Variants in GRM7 observed in about 807,000 individuals in gnomAD.
The protein encoded by GRM7 is glutamate metabotropic receptor 7, also known as metabotropic glutamate receptor 7.
Under a neutral mutation model 84.5 loss-of-function variants are expected in GRM7, and 35 were observed. The observed-to-expected ratio is 0.41, with a 90% confidence interval of 0.32 to 0.55. GRM7 has a LOEUF of 0.55. Ranked by LOEUF, GRM7 falls within the 20% of genes least tolerant of loss-of-function variation. GRM7 has a pLI of 0.19. For synonymous variants in GRM7, 487 were observed against 455.1 expected, an observed-to-expected ratio of 1.07 and a Z score of -0.89; for missense variants, 1,003 against 1,194.6, an observed-to-expected ratio of 0.84 and a Z score of 2.36.
Position 7,735,453 on chromosome 3 carries a change from C to G in GRM7, c.2699-4904C>G, listed in dbSNP as rs113787307. Among the ~76,000 whole-genome samples the G allele has an allele frequency of 2.7e-5, 3 of 111,610 alleles. 1 individual carries two copies. Among genetic ancestry groups the G allele is most frequent in the African/African-American group, 1.4e-4 (3 of 21,536 alleles). The allele number at this position is 111,610 out of a possible 152,430, so 73.2% of individuals were successfully genotyped here. ...AAGCAGCCTAGAGATGCTATCTAGC[C>G]TCTGGTCTCTATTTCTTTTTTGATT... On this transcript the variant is annotated intron_variant, in intron 9 of 9. Coordinates refer to ENST00000357716, the MANE Select transcript of GRM7 (RefSeq NM_000844.4).
Position 6,956,437 on chromosome 3 carries a change from C to G in GRM7, c.519+94530C>G, listed in dbSNP as rs972290333. The G allele has an allele frequency of 1.5e-5, 6 of 408,710 alleles. 1 individual carries two copies. Among genetic ancestry groups the G allele is most frequent in the Admixed American group, 2.8e-5 (1 of 35,496 alleles). 25.3% of individuals were successfully genotyped at this position (408,710 alleles called of 1,614,324 possible). On this transcript the variant is annotated intron_variant, in intron 1 of 9. Transcript: ENST00000357716. ...CCCTGCTCCTCTCAGACCTTTCTCT[C>G]TAAGACTTTGGGCAAACGCCGGCAC... is the stretch of plus-strand genomic sequence containing the variant.
At chr3:7,602,667 G>T (rs1696374170) in intron 8 of GRM7, among the ~76,000 whole-genome samples, 1 of 152,154 alleles carries the variant, frequency 6.6e-6, no homozygotes, top group Admixed American at 6.6e-5. Flanking sequence ...ATGAAGATGT[G>T]ATTGTAGGTA....
chr3:7,064,479 T>TATATATATATATATATATATATACAC lies in GRM7; in HGVS notation c.520-81972_520-81971insTATATATATATATATATATATACACA. 9.3e-4 allele frequency among the ~76,000 whole-genome samples: 92 copies of TATATATATATATATATATATATACAC among 99,326 alleles called. 4 individuals are homozygous for TATATATATATATATATATATATACAC. Among genetic ancestry groups the TATATATATATATATATATATATACAC allele is most frequent in the African/African-American group, 2.8e-3 (73 of 25,724 alleles). The allele number at this position is 99,326 out of a possible 152,430, so 65.2% of individuals were successfully genotyped here. On this transcript the variant is annotated intron_variant, in intron 1 of 9. Coordinates refer to ENST00000357716, the MANE Select transcript of GRM7 (RefSeq NM_000844.4). ...ATATATATACATATATATATATATA[T>TATATATATATATATATATATATACAC]ACACACATATACATATATATATACA...
At chr3:7,404,515 T>C (rs1261659990) in intron 4 of GRM7, among the ~76,000 whole-genome samples, 1 of 152,202 alleles carries the variant, frequency 6.6e-6, no homozygotes, top group African/African-American at 2.4e-5. Flanking sequence ...AAAGAAATTC[T>C]GGTGGATGAC....
At chr3:6,978,777 T>C (rs1276603048) in intron 1 of GRM7, among the ~76,000 whole-genome samples, 2 of 152,172 alleles carry the variant, frequency 1.3e-5, no homozygotes, top group Non-Finnish European at 2.9e-5. Flanking sequence ...GAGAAGACTT[T>C]GTTAACAAGT....
At position 7,103,798 on chromosome 3, in the gene GRM7, C is replaced by CTTTA. The variant is rs1559443522; in HGVS notation, c.520-42651_520-42650insATTT. 3.6e-5 allele frequency among the ~76,000 whole-genome samples: 4 copies of CTTTA among 111,544 alleles called. 1 individual carries two copies. Among genetic ancestry groups the CTTTA allele is most frequent in the African/African-American group, 2.0e-4 (4 of 20,452 alleles). The allele number at this position is 111,544 out of a possible 152,430, so 73.2% of individuals were successfully genotyped here. A position where few individuals can be genotyped will look rare whatever the true frequency, so the allele number is the denominator to read the frequency against. On this transcript the variant is annotated intron_variant, in intron 1 of 9. Transcript: ENST00000357716. ...TCTTTCTTTCTTTCTTTCTTTCTTT[C>CTTTA]TTTCTTTCTTTCTTTCTTTCTCTCT...
At chr3:7,179,942 A>T (rs897603278) in intron 2 of GRM7, among the ~76,000 whole-genome samples, 1 of 152,210 alleles carries the variant, frequency 6.6e-6, no homozygotes, top group Non-Finnish European at 1.5e-5. Flanking sequence ...ATTTACTTCC[A>T]TTAGCGTATC....
At chr3:7,097,653 A>G (rs935654470) in intron 1 of GRM7, among the ~76,000 whole-genome samples, 1 of 152,082 alleles carries the variant, frequency 6.6e-6, no homozygotes, top group Non-Finnish European at 1.5e-5. Context: ...AATTCTCTCT[A>G]CTGTCTGCAT....
intron 7 of GRM7, among the ~76,000 whole-genome samples, chr3:7,516,862 T>G (rs1200903381): frequency 6.6e-6 from 1 of 152,204 alleles, no homozygotes; most frequent in African/African-American, 2.4e-5. Context: ...GCTTTGCTCT[T>G]TGCATTGGCA....
intron 1 of GRM7, among the ~76,000 whole-genome samples, chr3:6,946,894 A>T (rs543495573): frequency 6.6e-6 from 1 of 152,140 alleles, no homozygotes; most frequent in Admixed American, 6.5e-5. Flanking sequence ...ATTTTTGCAC[A>T]TTGATTTTGT....
chr3:7,334,686 A>G (rs1434601729), intron 4 of GRM7, among the ~76,000 whole-genome samples: 1 of 152,148 alleles, frequency 6.6e-6, no homozygotes, highest in African/African-American at 2.4e-5. Flanking sequence ...CATCTAGCAC[A>G]TAAGGACTCA....
intron 1 of GRM7, among the ~76,000 whole-genome samples, chr3:6,878,880 C>A (rs1695410324): frequency 6.6e-6 from 1 of 152,172 alleles, no homozygotes; most frequent in African/African-American, 2.4e-5. Context: ...TTCTGGATTA[C>A]TAGATTTGCA....
At chr3:7,146,760 A>T in intron 2 of GRM7, 92 bp downstream of exon 2, 2 of 818,366 alleles carry the variant, frequency 2.4e-6, no homozygotes, top group Non-Finnish European at 4.0e-6. Context: ...AACACTACAG[A>T]CTCTTACATT....
At chr3:7,116,672 A>G (rs1189317454) in intron 1 of GRM7, among the ~76,000 whole-genome samples, 1 of 152,166 alleles carries the variant, frequency 6.6e-6, no homozygotes, top group Non-Finnish European at 1.5e-5. Context: ...ATTCTCCCAT[A>G]GTTATCGTAC....
intron 1 of GRM7, among the ~76,000 whole-genome samples, chr3:7,073,069 G>A (rs893947803): frequency 3.9e-5 from 6 of 152,104 alleles, no homozygotes; most frequent in Non-Finnish European, 2.9e-5. Flanking sequence ...GTATTTTCAT[G>A]TGATACCAGG....
chr3:6,877,949 CTTT>C (rs34919831), intron 1 of GRM7, among the ~76,000 whole-genome samples: 4 of 145,386 alleles, frequency 2.8e-5, no homozygotes, highest in Non-Finnish European at 3.0e-5. Context: ...CAATAACTTA[CTTT>C]TTTTTTTTTT....
rs1219833304 is a variant in GRM7 at position 7,668,363 on chromosome 3, T to TG, written c.2452-11685dup. ...CATCACCAATTAAGTCCCCTCTATT[T>TG]GCCACCCACAGTGGCAGACACTGGA... On this transcript the variant is annotated intron_variant, in intron 8 of 9. Coordinates refer to ENST00000357716, the MANE Select transcript of GRM7 (RefSeq NM_000844.4). 2.0e-5 allele frequency among the ~76,000 whole-genome samples: 3 copies of TG among 152,224 alleles called. No homozygotes were observed. In the East Asian group the frequency reaches 5.8e-4, roughly 29 times the overall value.
chr3:6,940,381 C>T (rs912874378), intron 1 of GRM7, among the ~76,000 whole-genome samples: 3 of 152,116 alleles, frequency 2.0e-5, no homozygotes, highest in Non-Finnish European at 2.9e-5. Context: ...TGAACCACTG[C>T]GCCCGGCCCG....
rs141339455 is a variant in GRM7, at chr3:7,598,567, G to C, written c.2451+19210G>C. ...CATGAAAGAAATCTCTTGCTTGTGA[G>C]GGTTGATTGCAAGGGTCTTGAAGTT... On this transcript the variant is annotated intron_variant, in intron 8 of 9. Transcript: ENST00000357716. 2.0e-3 allele frequency among the ~76,000 whole-genome samples: 298 copies of C among 152,268 alleles called. 10 individuals are homozygous for C. The East Asian group carries it at 0.052, about 27-fold the overall frequency.
Sources: allele counts gnomAD v4.1 joint callset (sites outside exome capture counted in the v4.1 genomes callset), GRCh38; gene constraint gnomAD v4.1.1; transcripts MANE v1.5; gene names NCBI Gene and HGNC (gene_info 2026-07-23, HGNC 2026-07-21).